Variants in APP observed in about 807,000 individuals in gnomAD.
APP encodes amyloid beta precursor protein.
In APP, 31 loss-of-function variants were observed where a neutral mutation model predicts 101.4. That is an observed-to-expected ratio of 0.31 (90% CI 0.23 to 0.41). The LOEUF (loss-of-function observed/expected upper bound fraction) is 0.41, where lower values mean the gene tolerates loss of function less well. APP is among the 10% of genes least tolerant of loss of function. The pLI is 1.00. For synonymous variants in APP, 366 were observed against 364.4 expected, an observed-to-expected ratio of 1.00 and a Z score of -0.05; for missense variants, 839 against 1,003.7, an observed-to-expected ratio of 0.84 and a Z score of 2.22.
chr21:26,147,846 A>C (rs188034294), intron 1 of APP, among the ~76,000 whole-genome samples: 23 of 152,150 alleles, frequency 1.5e-4, no homozygotes, highest in Admixed American at 3.3e-4. Context: ...AGGACTGAAA[A>C]ATCCAATCCC....
intron 11 of APP, among the ~76,000 whole-genome samples, chr21:25,968,024 A>G (rs1475778908): frequency 1.3e-5 from 2 of 152,232 alleles, no homozygotes; most frequent in Non-Finnish European, 2.9e-5. Context: ...GGTGTTTAGA[A>G]GAGTCACTAG....
At chr21:25,919,878 G>A (rs1300868461) in intron 13 of APP, among the ~76,000 whole-genome samples, 11 of 84,478 alleles carry the variant, frequency 1.3e-4, no homozygotes, top group Non-Finnish European at 2.2e-4. Flanking sequence ...TACAGAGAAC[G>A]CCACAAAGAT....
chr21:25,988,596 G>C (rs1251998876), intron 8 of APP, among the ~76,000 whole-genome samples: 1 of 151,610 alleles, frequency 6.6e-6, no homozygotes, highest in East Asian at 1.9e-4. Flanking sequence ...CAGCTACTCG[G>C]GAGGCTGAGG....
At chr21:25,892,042 A>G (rs571117086) in intron 16 of APP, among the ~76,000 whole-genome samples, 174 bp from the exon 17 acceptor site, 18 of 103,470 alleles carry the variant, frequency 1.7e-4, no homozygotes, top group Admixed American at 1.9e-4. Flanking sequence ...TTTGATGCTT[A>G]CTTTAAAAAA....
At chr21:26,102,080 T>TG (rs200801905) in intron 2 of APP, among the ~76,000 whole-genome samples, 3 of 137,780 alleles carry the variant, frequency 2.2e-5, no homozygotes, top group South Asian at 2.3e-4. Context: ...TAAAACTATG[T>TG]GGTTTTTTTT....
chr21:26,120,066 G>A (rs1315476903), intron 1 of APP, among the ~76,000 whole-genome samples: 1 of 152,132 alleles, frequency 6.6e-6, no homozygotes, highest in African/African-American at 2.4e-5. Context: ...ATGTAGCCAA[G>A]CTAAGCCGGG....
At chr21:25,899,006 T>C (rs1174989125) in intron 15 of APP, among the ~76,000 whole-genome samples, 1 of 152,230 alleles carries the variant, frequency 6.6e-6, no homozygotes, top group Admixed American at 6.5e-5. Context: ...TGACAAAACC[T>C]AGGAAATCCA....
intron 1 of APP, among the ~76,000 whole-genome samples, chr21:26,166,900 GAGAGAA>G (rs1243017234): frequency 0.051 from 1,967 of 38,910 alleles, 35 homozygotes; most frequent in African/African-American, 0.22. Flanking sequence ...GAGAGAGAGA[GAGAGAA>G]AGAGAGAGAA....
chr21:26,013,564 T>C lies in APP; in HGVS notation c.865+8276A>G, dbSNP rs190119081. On this transcript the variant is annotated intron_variant, in intron 6 of 17. Coordinates refer to ENST00000346798, the MANE Select transcript of APP (RefSeq NM_000484.4). The stretch of plus-strand genomic sequence containing the variant: ...TAAAAATCTAGTTTCTGGCCTTTAA[T>C]TAAATTGGACTAAAATTTTATTTTT... Among the ~76,000 whole-genome samples the C allele has an allele frequency of 1.6e-3, 248 of 152,186 alleles. 1 individual carries two copies. The highest frequency in any genetic ancestry group is 5.6e-3 in the African/African-American group (232 of 41,530).
chr21:26,148,811 C>A (rs1260635785), intron 1 of APP, among the ~76,000 whole-genome samples: 1 of 152,206 alleles, frequency 6.6e-6, no homozygotes, highest in Non-Finnish European at 1.5e-5. Flanking sequence ...GCACTTTATT[C>A]AATTTAATTC....
At chr21:26,090,195 A>G (rs1189342223) in intron 2 of APP, 123 bp from the exon 3 acceptor site, 9 of 1,444,584 alleles carry the variant, frequency 6.2e-6, no homozygotes, top group Middle Eastern at 3.8e-4. Context: ...GCTTGGGACC[A>G]GAAGTGCTTT....
At chr21:26,013,647 A>AT (rs539266643) in intron 6 of APP, among the ~76,000 whole-genome samples, 18 of 151,084 alleles carry the variant, frequency 1.2e-4, no homozygotes, top group Middle Eastern at 6.9e-3. Context: ...CTGCTATTCT[A>AT]TTTTTTTTTA....
At position 26,165,864 on chromosome 21, in the gene APP, C is replaced by T. The variant is rs547770149; in HGVS notation, c.57+4700G>A. On this transcript the variant is annotated intron_variant, in intron 1 of 17. Transcript: ENST00000346798. ...TCTGAATACTCAGCTAGCTAATCTA[C>T]TAAGCATCCCTGTTTCATAAAGCTA... 1.1e-4 allele frequency among the ~76,000 whole-genome samples: 17 copies of T among 152,304 alleles called. No homozygotes were observed. In the East Asian group the frequency reaches 3.1e-3, roughly 28 times the overall value.
Position 25,911,736 on chromosome 21 carries a change from C to T in APP, c.1909+5G>A, listed in dbSNP as rs200271509. ...AACGCCCTTGCTGGCTCAGGGGACTCTTACCTTCGTTTTCTGTGTTGGCTG... is the reference window on the plus strand; with the variant it reads ...AACGCCCTTGCTGGCTCAGGGGACTTTTACCTTCGTTTTCTGTGTTGGCTG... On this transcript the variant is annotated splice_donor_5th_base_variant and intron_variant, in intron 14 of 17. Coordinates refer to ENST00000346798, the MANE Select transcript of APP (RefSeq NM_000484.4). 100 of 1,613,860 alleles carry T rather than the reference C, an allele frequency of 6.2e-5. No individual in the cohort carries two copies. Among genetic ancestry groups the T allele is most frequent in the Non-Finnish European group, 8.4e-5 (99 of 1,179,968 alleles).
chr21:25,989,304 T>A (rs2042766063), intron 8 of APP, among the ~76,000 whole-genome samples: 1 of 152,232 alleles, frequency 6.6e-6, no homozygotes, highest in Admixed American at 6.5e-5. Context: ...TAGTTCTGAT[T>A]TTGTAATCAT....
At chr21:25,991,011 C>T (rs1384354588) in intron 8 of APP, among the ~76,000 whole-genome samples, 1 of 152,144 alleles carries the variant, frequency 6.6e-6, no homozygotes, top group Non-Finnish European at 1.5e-5. Context: ...AAATAAAAGT[C>T]TTTTGCAGCA....
intron 11 of APP, among the ~76,000 whole-genome samples, chr21:25,958,393 C>T (rs1017364722): frequency 4.6e-5 from 7 of 152,202 alleles, no homozygotes; most frequent in Admixed American, 2.0e-4. Flanking sequence ...TCTCCTGCCT[C>T]AGTCTCCTGA....
At chr21:25,906,128 T>A (rs1332705558) in intron 14 of APP, among the ~76,000 whole-genome samples, 1 of 152,092 alleles carries the variant, frequency 6.6e-6, no homozygotes, top group South Asian at 2.1e-4. Context: ...CATTCAAAGG[T>A]GGGATTCTCA....
intron 13 of APP, among the ~76,000 whole-genome samples, chr21:25,914,610 G>A (rs1040182067): frequency 6.9e-5 from 10 of 144,732 alleles, no homozygotes; most frequent in African/African-American, 2.7e-4. Flanking sequence ...CTGGAGTGCA[G>A]TGGCGCAATC....
Sources: allele counts gnomAD v4.1 joint callset (sites outside exome capture counted in the v4.1 genomes callset), GRCh38; gene constraint gnomAD v4.1.1; transcripts MANE v1.5; gene names NCBI Gene and HGNC (gene_info 2026-07-23, HGNC 2026-07-21).